AMN: variants seen among roughly 807,000 people sequenced by gnomAD.
The protein encoded by AMN is amnion associated transmembrane protein.
In AMN, 40 loss-of-function variants were observed where a neutral mutation model predicts 49.1. That is an observed-to-expected ratio of 0.81 (90% confidence interval 0.63 to 1.06). The LOEUF (loss-of-function observed/expected upper bound fraction) is 1.06, where lower values mean the gene tolerates loss of function less well. AMN is among the 50% of genes least tolerant of loss of function. The pLI is 0.00. For synonymous variants in AMN, 380 were observed against 313.3 expected, an observed-to-expected ratio of 1.21 and a Z score of -2.25; for missense variants, 701 against 662.8, an observed-to-expected ratio of 1.06 and a Z score of -0.63.
chr14:102,930,563 T>C lies in AMN; in HGVS notation c.1258-13T>C. ...CTCGGCGCCGACCGCCGCCTGACCC[T>C]GTCACCCCGCAGCCCCTGCCGCGGC... is the stretch of plus-strand genomic sequence containing the variant. On this transcript the variant is annotated splice_polypyrimidine_tract_variant and intron_variant, in intron 11 of 11. Transcript: ENST00000299155. 6.4e-7 allele frequency: 1 copy of C among 1,562,682 alleles called. No homozygotes were observed. Among genetic ancestry groups the C allele is most frequent in the Non-Finnish European group, 8.7e-7 (1 of 1,155,390 alleles).
In AMN at chr14:102,930,785, C is replaced by T. The variant is rs991723261; in HGVS notation, c.*105C>T. 1.3e-5 allele frequency: 16 copies of T among 1,275,078 alleles called. No individual in the cohort carries two copies. Among genetic ancestry groups the T allele is most frequent in the East Asian group, 7.7e-5 (3 of 38,830 alleles). 79.0% of individuals were successfully genotyped at this position (1,275,078 alleles called of 1,614,324 possible). ...CAGCCCCCAAACCTCCCCTTCCTTT[C>T]CCCCTCCTCCGGGGGCCAAGGACAG... On this transcript the variant is annotated 3_prime_UTR_variant, in exon 12 of 12. Transcript: ENST00000299155.
intron 1 of AMN, 65 bp downstream of exon 1, chr14:102,922,796 T>A: frequency 6.5e-7 from 1 of 1,534,412 alleles, no homozygotes; most frequent in Non-Finnish European, 8.8e-7. Context: ...AGGGCCGAGG[T>A]CGCTCTAGGC....
At position 102,929,699 on chromosome 14, in the gene AMN, C is replaced by A. The variant is rs200712130; in HGVS notation, c.805C>A (p.Arg269=). 1.3e-6 allele frequency: 2 copies of A among 1,550,904 alleles called. No homozygotes were observed. Among genetic ancestry groups the A allele is most frequent in the African/African-American group, 2.7e-5 (2 of 73,084 alleles). The change falls in exon 8 of 12, where the codon CGG becomes AGG. Residue 269 remains arginine, a synonymous_variant. Transcript: ENST00000299155. ...LTHGPAFDLE[R]YRARILDTFL... is the part of the protein sequence containing the mutation. ...CCACGGCCCCGCATTTGACCTGGAGCGGTACCGGGCGCGGATACTGGACAC... is the reference window on the plus strand; with the variant it reads ...CCACGGCCCCGCATTTGACCTGGAGAGGTACCGGGCGCGGATACTGGACAC...
intron 3 of AMN, among the ~76,000 whole-genome samples, chr14:102,925,197 T>TG (rs1891158229): frequency 6.6e-6 from 1 of 152,198 alleles, no homozygotes; most frequent in African/African-American, 2.4e-5. Context: ...TGAGGGTCAC[T>TG]GGTGAGCTGG....
chr14:102,929,966 C>T lies in AMN; in HGVS notation c.886C>T (p.Arg296Cys). ...GCAGGTGGCCGTGTCCAAGGTGCCA[C>T]GCTCGTCCCGGCTCCGTGAGGCCGA... ...GLQVAVSKVP[R>C]SSRLREADTE... The change falls in exon 9 of 12, where the codon CGC becomes TGC. Residue 296 changes from arginine to cysteine, a missense_variant. Physicochemically the swap from Arg to Cys is radical, Grantham distance 180. Transcript: ENST00000299155. 4 of 1,564,284 alleles carry T rather than the reference C, an allele frequency of 2.6e-6. No individual in the cohort carries two copies. Among genetic ancestry groups the T allele is most frequent in the Non-Finnish European group, 3.5e-6 (4 of 1,155,432 alleles).
Position 102,930,647 on chromosome 14 carries a change from C to T in AMN, c.1329C>T (p.Asn443=), listed in dbSNP as rs1310738643. Residue 443 remains asparagine, a synonymous_variant, in exon 12 of 12, where the codon AAC becomes AAT. Transcript: ENST00000299155. ...GCACCAGCCACAGTTACTTCGTCAA[C>T]CCTCTGTTCGCCGGGGCCGAGGCCG... The part of the protein sequence containing the change: ...ADSTSHSYFV[N]PLFAGAEAEA The T allele has an allele frequency of 4.4e-6, 7 of 1,600,236 alleles. No individual in the cohort carries two copies. The highest frequency in any genetic ancestry group is 5.1e-6 in the Non-Finnish European group (6 of 1,174,780).
chr14:102,928,943 G>A lies in AMN; in HGVS notation c.481G>A (p.Val161Met), dbSNP rs746904737. Residue 161 changes from valine (V) to methionine (M), a missense_variant, in exon 5 of 12, where the codon GTG (valine) becomes ATG (methionine). Transcript: ENST00000299155. ...GGGGCTCGGCCCTGGCGCTAGCCCC[G>A]TGCGTGTCCGCAGCATCTCGGCTCT... is the stretch of plus-strand genomic sequence containing the variant. ...RVGLGPGASP[V>M]RVRSISALGR... 1.9e-6 allele frequency: 3 copies of A among 1,600,176 alleles called. No homozygotes were observed. Among genetic ancestry groups the A allele is most frequent in the Non-Finnish European group, 1.7e-6 (2 of 1,179,608 alleles).
rs375774640 is a variant in AMN at position 102,923,978 on chromosome 14, T to C, written c.206T>C (p.Met69Thr). Residue 69 changes from methionine (M) to threonine (T), a missense_variant and splice_region_variant, in exon 3 of 12, where the codon ATG (methionine) becomes ACG (threonine). Physicochemically the swap from Met to Thr is moderately conservative, Grantham distance 81. Coordinates refer to ENST00000299155, the MANE Select transcript of AMN (RefSeq NM_030943.4). ...LVQEGHAVSD[M>T]LLPLDGELVL... The stretch of plus-strand genomic sequence containing the variant: ...CAAGAAGGTCACGCCGTCTCAGACA[T>C]GGTAAGGCCGGGCTGCTACTGCCAC... 3.3e-5 allele frequency: 53 copies of C among 1,613,044 alleles called. No homozygotes were observed. The Admixed American group carries it at 7.2e-4, about 22-fold the overall frequency.
chr14:102,929,283 C>T (rs1566828362), intron 6 of AMN, 25 bp downstream of exon 6: 7 of 1,435,346 alleles, frequency 4.9e-6, no homozygotes, highest in Non-Finnish European at 6.3e-6. Context: ...AGTGGAGTCG[C>T]GGGGGCCGCG....
In AMN at chr14:102,928,907, T is replaced by C; in HGVS notation, c.445T>C (p.Ser149Pro). Residue 149 changes from serine (S) to proline (P), a missense_variant, in exon 5 of 12, where the codon TCC (serine) becomes CCC (proline). Physicochemically the swap from Ser to Pro is moderately conservative, Grantham distance 74. Transcript: ENST00000299155. ...CGACGTCTTCTTTCCGCCTAGTGCC[T>C]CCTTCCGCGTGGGGCTCGGCCCTGG... ...HDDVFFPPSA[S>P]FRVGLGPGAS... The C allele has an allele frequency of 4.4e-6, 7 of 1,602,736 alleles. No homozygotes were observed. The highest frequency in any genetic ancestry group is 5.9e-6 in the Non-Finnish European group (7 of 1,179,774).
At chr14:102,926,544 C>T (rs188864768) in intron 3 of AMN, among the ~76,000 whole-genome samples, 11 of 151,850 alleles carry the variant, frequency 7.2e-5, no homozygotes, top group East Asian at 5.8e-4. Flanking sequence ...ATAGGTTTGC[C>T]AGGTAACAAC....
chr14:102,926,786 A>G (rs913440698), intron 3 of AMN, among the ~76,000 whole-genome samples: 2 of 152,148 alleles, frequency 1.3e-5, no homozygotes, highest in African/African-American at 4.8e-5. Flanking sequence ...ATTCAAGAGC[A>G]TGGACGGACT....
At position 102,930,187 on chromosome 14, in the gene AMN, G is replaced by A. The variant is rs1482760921; in HGVS notation, c.1029G>A (p.Glu343=). The change falls in exon 10 of 12, where the codon GAG becomes GAA. Residue 343 remains glutamate (E), a synonymous_variant. Transcript: ENST00000299155. ...CAGGCGAGGCCCTCGGCGTCCTGGAGGCGACCATGCGGGAGTCGGGCGCAC... is the reference window on the plus strand; with the variant it reads ...CAGGCGAGGCCCTCGGCGTCCTGGAAGCGACCATGCGGGAGTCGGGCGCAC... ...AENGEALGVL[E]ATMRESGAHV... 1 of 1,482,750 alleles carries A rather than the reference G, an allele frequency of 6.7e-7. No individual in the cohort carries two copies. 91.8% of individuals were successfully genotyped at this position (1,482,750 alleles called of 1,614,324 possible).
intron 1 of AMN, 159 bp downstream of exon 1, chr14:102,922,890 C>A (rs1256262927): frequency 3.8e-6 from 4 of 1,041,326 alleles, no homozygotes; most frequent in East Asian, 2.7e-5. Context: ...CCTCCCTCGT[C>A]TGGCGAGTGC....
At chr14:102,929,616 C>T in intron 7 of AMN, 39 bp from the exon 8 acceptor site, 2 of 1,547,890 alleles carry the variant, frequency 1.3e-6, no homozygotes, top group East Asian at 2.4e-5. Context: ...TCCTGCCGGG[C>T]CCGGATCCAC....
chr14:102,930,520 G>T, intron 11 of AMN, 27 bp downstream of exon 11: 2 of 1,541,188 alleles, frequency 1.3e-6, no homozygotes, highest in South Asian at 1.2e-5. Context: ...GGGGACCGGG[G>T]CCTCCTCGGG....
chr14:102,927,185 C>A (rs1485543666), intron 3 of AMN, among the ~76,000 whole-genome samples: 1 of 152,176 alleles, frequency 6.6e-6, no homozygotes, highest in African/African-American at 2.4e-5. Context: ...TGAGCCACCG[C>A]TCCTGGCCTT....
At chr14:102,928,550 C>T (rs939616890) in intron 4 of AMN, 37 bp downstream of exon 4, 2 of 1,579,800 alleles carry the variant, frequency 1.3e-6, no homozygotes, top group Non-Finnish European at 8.6e-7. Flanking sequence ...TCTGGAAAGG[C>T]ATGTTCAGGG....
rs755118412 is a variant in AMN, at chr14:102,923,808, C to T, written c.141C>T (p.Ala47=). Residue 47 remains alanine, a synonymous_variant, in exon 2 of 12, where the codon GCC becomes GCT. Transcript: ENST00000299155. ...SQNRTPCAGG[A]VEFPADKMVS... ...ACCGGACCCCGTGCGCCGGCGGCGCCGTTGAGTTCCCGGCGGACAAGGTGC... is the reference window on the plus strand; with the variant it reads ...ACCGGACCCCGTGCGCCGGCGGCGCTGTTGAGTTCCCGGCGGACAAGGTGC... 2 of 1,612,660 alleles carry T rather than the reference C, an allele frequency of 1.2e-6. No homozygotes were observed. Among genetic ancestry groups the T allele is most frequent in the Non-Finnish European group, 1.7e-6 (2 of 1,179,824 alleles).
Sources: gnomAD v4.1 joint callset for allele counts (sites outside exome capture counted in the v4.1 genomes callset) on GRCh38, gnomAD v4.1.1 for gene constraint, MANE v1.5 for transcripts, NCBI Gene and HGNC (gene_info 2026-07-23, HGNC 2026-07-21) for gene names.